The following TTC28 variants were observed in gnomAD, a reference collection of about 807,000 sequenced individuals.
TTC28 encodes the protein tetratricopeptide repeat domain 28, also known as tetratricopeptide repeat protein 28.
A neutral mutation model predicts 198.0 loss-of-function variants in TTC28; 61 were observed. The ratio of observed to expected loss-of-function variants is 0.31; its 90% CI spans 0.25 to 0.38. The LOEUF (loss-of-function observed/expected upper bound fraction) is 0.38, where lower values mean the gene tolerates loss of function less well. Among genes scored for constraint, TTC28 ranks in the 10% least tolerant of loss-of-function variants. The pLI, the probability that TTC28 is intolerant of heterozygous loss-of-function variation, is 1.00. For missense variants in TTC28, 2,678 were observed against 3,164.0 expected (o/e 0.85, Z 3.69); for synonymous variants, 1,171 against 1,297.8 (o/e 0.90, Z 2.10).
intron 2 of TTC28, among the ~76,000 whole-genome samples, chr22:28,587,771 A>C (rs2050343640): frequency 6.6e-6 from 1 of 152,090 alleles, no homozygotes; most frequent in Admixed American, 6.6e-5. Flanking sequence ...TAATACATTC[A>C]AAGTCAAATA....
At chr22:28,621,739 T>C (rs1330563498) in intron 2 of TTC28, among the ~76,000 whole-genome samples, 1 of 113,858 alleles carries the variant, frequency 8.8e-6, no homozygotes, top group African/African-American at 3.8e-5. Context: ...CAAGACTGTC[T>C]CTTAAAAAAA....
intron 12 of TTC28, among the ~76,000 whole-genome samples, chr22:28,033,554 C>A (rs1342745370): frequency 6.6e-6 from 1 of 152,170 alleles, no homozygotes; most frequent in East Asian, 1.9e-4. Flanking sequence ...GACTAGTATC[C>A]TTTAGTTCTC....
At chr22:28,293,545 T>G (rs576141522) in intron 5 of TTC28, among the ~76,000 whole-genome samples, 2 of 152,026 alleles carry the variant, frequency 1.3e-5, no homozygotes, top group Admixed American at 1.3e-4. Flanking sequence ...GTTCTAGAGC[T>G]CTAATGTATA....
intron 5 of TTC28, among the ~76,000 whole-genome samples, chr22:28,268,767 C>G (rs974934046): frequency 4.6e-5 from 7 of 152,160 alleles, no homozygotes; most frequent in Non-Finnish European, 8.8e-5. Flanking sequence ...ATCTAGACAT[C>G]TAGTTTCTCA....
chr22:28,258,383 C>A (rs1215748491), intron 5 of TTC28, among the ~76,000 whole-genome samples: 1 of 152,000 alleles, frequency 6.6e-6, no homozygotes, highest in Non-Finnish European at 1.5e-5. Flanking sequence ...TTTGGGCACA[C>A]CAATAATTTT....
chr22:28,435,549 G>A (rs922071220), intron 2 of TTC28, among the ~76,000 whole-genome samples: 5 of 152,152 alleles, frequency 3.3e-5, no homozygotes, highest in Admixed American at 1.3e-4. Context: ...AGGGCCAGCC[G>A]GGATTTCAGG....
At chr22:28,480,590 TC>T (rs1482188610) in intron 2 of TTC28, among the ~76,000 whole-genome samples, 1 of 152,316 alleles carries the variant, frequency 6.6e-6, no homozygotes, top group African/African-American at 2.4e-5. Flanking sequence ...TTACATCCCT[TC>T]TACAGCTTTT....
intron 2 of TTC28, among the ~76,000 whole-genome samples, chr22:28,587,913 G>A (rs574326755): frequency 2.0e-5 from 3 of 151,994 alleles, no homozygotes; most frequent in Non-Finnish European, 2.9e-5. Flanking sequence ...AGACCAAGGC[G>A]GGTGGGTCAC....
chr22:28,507,724 A>G (rs1437811403), intron 2 of TTC28, among the ~76,000 whole-genome samples: 1 of 152,228 alleles, frequency 6.6e-6, no homozygotes, highest in Non-Finnish European at 1.5e-5. Flanking sequence ...TGTAAACCCT[A>G]TAAGCCAGAA....
At chr22:28,596,788 CT>C (rs1342522957) in intron 2 of TTC28, among the ~76,000 whole-genome samples, 2 of 152,116 alleles carry the variant, frequency 1.3e-5, no homozygotes, top group African/African-American at 2.4e-5. Context: ...CTCCAAATAG[CT>C]CATGATGAGT....
chr22:28,483,970 T>C (rs975880972), intron 2 of TTC28, among the ~76,000 whole-genome samples: 1 of 152,184 alleles, frequency 6.6e-6, no homozygotes, highest in Non-Finnish European at 1.5e-5. Context: ...GGTAAGAGGG[T>C]TGCATTTTTT....
chr22:28,100,031 T>C (rs1190468852), intron 9 of TTC28, among the ~76,000 whole-genome samples: 1 of 152,244 alleles, frequency 6.6e-6, no homozygotes, highest in East Asian at 1.9e-4. Context: ...CCTCCATCAG[T>C]GAGGCCATCA....
intron 2 of TTC28, among the ~76,000 whole-genome samples, chr22:28,467,810 GA>G (rs1283562795): frequency 6.6e-6 from 1 of 152,152 alleles, no homozygotes; most frequent in African/African-American, 2.4e-5. Context: ...TGCACAGGCT[GA>G]AGTGCAGTGG....
chr22:28,274,190 G>A (rs1932266284), intron 5 of TTC28, among the ~76,000 whole-genome samples: 1 of 152,132 alleles, frequency 6.6e-6, no homozygotes, highest in Non-Finnish European at 1.5e-5. Context: ...ATGAGTTACT[G>A]GTAACTCCAG....
chr22:28,005,176 C>T lies in TTC28; in HGVS notation c.4219-3623G>A, dbSNP rs552688271. Among the ~76,000 whole-genome samples, 12 of 152,362 alleles carry T rather than the reference C, an allele frequency of 7.9e-5. 1 individual carries two copies. In the East Asian group the frequency reaches 2.1e-3, roughly 27 times the overall value. On this transcript the variant is annotated intron_variant, in intron 14 of 22. Coordinates refer to ENST00000397906, the MANE Select transcript of TTC28 (RefSeq NM_001145418.2). The surrounding 1 kb of genome is among the most constrained non-coding windows in gnomAD (Gnocchi z 4.9). The stretch of plus-strand genomic sequence containing the variant: ...TCTCACCAAGGGGCTGTGACCCTGA[C>T]TGTGGCAATGTGAGTCCAGGCAGCA...
chr22:28,111,351 A>C (rs1942475709), intron 6 of TTC28, among the ~76,000 whole-genome samples: 1 of 152,146 alleles, frequency 6.6e-6, no homozygotes. Context: ...GAGAAAATCT[A>C]AGCTTCCCGA....
Position 28,197,331 on chromosome 22 carries a change from A to G in TTC28, c.934-33732T>C, listed in dbSNP as rs1394926824. 2.0e-4 allele frequency among the ~76,000 whole-genome samples: 30 copies of G among 151,646 alleles called. 1 individual carries two copies. ...TAAGAGATATACCTAATGCTAAATG[A>G]CGAGTTACTGGGTGCAGCACACCAA... is the stretch of plus-strand genomic sequence containing the variant. On this transcript the variant is annotated intron_variant, in intron 5 of 22. Coordinates refer to ENST00000397906, the MANE Select transcript of TTC28 (RefSeq NM_001145418.2).
intron 5 of TTC28, among the ~76,000 whole-genome samples, chr22:28,267,748 C>T (rs1392324181): frequency 6.6e-6 from 1 of 152,106 alleles, no homozygotes; most frequent in African/African-American, 2.4e-5. Context: ...CAGAAGTAAG[C>T]ACTCCCTAGA....
At chr22:28,566,687 A>G (rs1263596923) in intron 2 of TTC28, among the ~76,000 whole-genome samples, 1 of 152,208 alleles carries the variant, frequency 6.6e-6, no homozygotes, top group Non-Finnish European at 1.5e-5. Context: ...TAAAACAAAG[A>G]GAGTAATTTT....
Sources: gnomAD v4.1 joint callset for allele counts (sites outside exome capture counted in the v4.1 genomes callset) on GRCh38, gnomAD v4.1.1 for gene constraint, Gnocchi (gnomAD v3.1) non-coding constraint, MANE v1.5 for transcripts, NCBI Gene and HGNC (gene_info 2026-07-23, HGNC 2026-07-21) for gene names.